Variants in MACF1 observed in about 807,000 individuals in gnomAD.
MACF1 encodes the protein microtubule-actin cross-linking factor 1.
A neutral mutation model predicts 854.8 loss-of-function variants in MACF1; 193 were observed. That is an observed-to-expected ratio of 0.23 (90% CI 0.20 to 0.25). The LOEUF is 0.25. MACF1 is among the 10% of genes least tolerant of loss of function. MACF1 has a pLI of 1.00. For synonymous variants in MACF1, 3,185 were observed against 3,226.7 expected (o/e 0.99, Z 0.44); for missense variants, 7,722 against 8,929.1 (o/e 0.86, Z 5.45).
chr1:39,109,802 G>C (rs766749088), intron 2 of MACF1, among the ~76,000 whole-genome samples: 1 of 152,160 alleles, frequency 6.6e-6, no homozygotes, highest in Non-Finnish European at 1.5e-5. Flanking sequence ...TCACAGAAGG[G>C]AGTTTTAAAA....
At position 39,388,270 on chromosome 1, in the gene MACF1, A is replaced by T. The variant is rs1455828625; in HGVS notation, c.15428A>T (p.Asp5143Val). The T allele has an allele frequency of 6.2e-7, 1 of 1,614,186 alleles. No homozygotes were observed. The highest frequency in any genetic ancestry group is 8.5e-7 in the Non-Finnish European group (1 of 1,180,026). ...TTGGCAGACCTGGATGATGAGCTAGATGGCATGGGTGCTATTGGCAGAGAC... is the reference window on the plus strand; with the variant it reads ...TTGGCAGACCTGGATGATGAGCTAGTTGGCATGGGTGCTATTGGCAGAGAC... ...SQLADLDDEL[D>V]GMGAIGRDTD... is the part of the protein sequence containing the mutation. Residue 5143 changes from aspartate to valine, a missense_variant, in exon 58 of 101, where the codon GAT becomes GTT. This residue lies in a region of MACF1 where 2,807 missense variants were observed against 3,235.8 expected (regional missense o/e 0.87). Coordinates refer to ENST00000564288, the MANE Select transcript of MACF1 (RefSeq NM_001394062.1).
At chr1:39,170,951 A>G (rs564643426) in intron 2 of MACF1, among the ~76,000 whole-genome samples, 25 of 152,290 alleles carry the variant, frequency 1.6e-4, no homozygotes, top group Admixed American at 3.3e-4. Context: ...CCCTCACGCC[A>G]TAGCACACAC....
At chr1:39,465,588 T>A (rs1211198204) in intron 95 of MACF1, among the ~76,000 whole-genome samples, 2 of 152,232 alleles carry the variant, frequency 1.3e-5, no homozygotes, top group African/African-American at 4.8e-5. Context: ...AGTGTGGAGA[T>A]CGTAATTGGC....
intron 40 of MACF1, among the ~76,000 whole-genome samples, chr1:39,342,913 T>G (rs1263957793): frequency 6.6e-6 from 1 of 152,078 alleles, no homozygotes; most frequent in East Asian, 1.9e-4. Context: ...CACTCAAAAT[T>G]AAAGCAGCCA....
At chr1:39,398,978 G>A (rs1465581735) in intron 58 of MACF1, among the ~76,000 whole-genome samples, 1 of 152,194 alleles carries the variant, frequency 6.6e-6, no homozygotes, top group Non-Finnish European at 1.5e-5. Flanking sequence ...AGGACCCTCT[G>A]TTAAGAATGC....
chr1:39,415,553 G>T (rs1481608928), intron 58 of MACF1, among the ~76,000 whole-genome samples: 1 of 148,566 alleles, frequency 6.7e-6, no homozygotes, highest in Non-Finnish European at 1.5e-5. Flanking sequence ...TAGTAGAGAC[G>T]GGTTTCACTG....
At chr1:39,458,899 A>G (rs2124031399) in intron 90 of MACF1, 187 bp from the exon 91 acceptor site, 1 of 572,272 alleles carries the variant, frequency 1.7e-6, no homozygotes, top group South Asian at 2.4e-5. Flanking sequence ...GCAGGTAAGT[A>G]TGTGCTGGGA....
chr1:39,425,461 A>T (rs954928268), intron 61 of MACF1, among the ~76,000 whole-genome samples: 10 of 152,202 alleles, frequency 6.6e-5, no homozygotes, highest in Non-Finnish European at 1.5e-4. Flanking sequence ...CCTTTAGATT[A>T]TGAGGCTGAC....
chr1:39,168,836 A>G (rs1643908923), intron 2 of MACF1, among the ~76,000 whole-genome samples: 1 of 151,798 alleles, frequency 6.6e-6, no homozygotes, highest in Non-Finnish European at 1.5e-5. Context: ...TGTGTGTTGT[A>G]CAGGCTGGTC....
intron 2 of MACF1, among the ~76,000 whole-genome samples, chr1:39,163,906 C>G (rs529712421): frequency 6.6e-6 from 1 of 152,224 alleles, no homozygotes; most frequent in African/African-American, 2.4e-5. Flanking sequence ...GAAAAATAAA[C>G]TAATAAAATC....
rs1195200757 is a variant in MACF1, at chr1:39,347,120, G to A, written c.10725G>A (p.Arg3575=). 3 of 1,614,012 alleles carry A rather than the reference G, an allele frequency of 1.9e-6. No individual in the cohort carries two copies. The highest frequency in any genetic ancestry group is 2.5e-6 in the Non-Finnish European group (3 of 1,179,982). ...TGAGGCTTCTGAATGAACTGCAGAGGTCCTTCCAGGACATTTTGGAACAGA... is the reference window on the plus strand; with the variant it reads ...TGAGGCTTCTGAATGAACTGCAGAGATCCTTCCAGGACATTTTGGAACAGA... ...QMLRLLNELQ[R]SFQDILEQTA... is the part of the protein sequence containing the mutation. The change falls in exon 41 of 101, where the codon AGG becomes AGA. Residue 3575 remains arginine, a synonymous_variant. Transcript: ENST00000564288.
intron 2 of MACF1, among the ~76,000 whole-genome samples, chr1:39,195,740 T>C (rs1448242678): frequency 6.6e-6 from 1 of 152,190 alleles, no homozygotes; most frequent in African/African-American, 2.4e-5. Context: ...GTTTTGGATT[T>C]AATTTGCTGA....
At chr1:39,410,218 G>GTGA in intron 58 of MACF1, 3 of 1,423,242 alleles carry the variant, frequency 2.1e-6, no homozygotes, top group Non-Finnish European at 2.9e-6. Flanking sequence ...GGGGGAACCT[G>GTGA]TGAAAAATAC....
At position 39,422,479 on chromosome 1, in the gene MACF1, G is replaced by C. The variant is rs759822850; in HGVS notation, c.15922G>C (p.Gly5308Arg). 6.2e-7 allele frequency: 1 copy of C among 1,614,024 alleles called. No individual in the cohort carries two copies. Among genetic ancestry groups the C allele is most frequent in the Non-Finnish European group, 8.5e-7 (1 of 1,179,976 alleles). ...QSAGKDCDVQGLEHDMEEINA... is the reference protein window; with the variant it reads ...QSAGKDCDVQRLEHDMEEINA... ...TGCAGGAAAAGACTGTGATGTACAGGGTTTAGAACATGACATGGAAGAGAT... is the reference window on the plus strand; with the variant it reads ...TGCAGGAAAAGACTGTGATGTACAGCGTTTAGAACATGACATGGAAGAGAT... The change falls in exon 59 of 101, where the codon GGT becomes CGT. Residue 5308 changes from glycine (G) to arginine (R), a missense_variant. Gly to Arg is a moderately radical substitution (Grantham distance 125). This residue lies in a region of MACF1 where 2,807 missense variants were observed against 3,235.8 expected (regional missense o/e 0.87). Coordinates refer to ENST00000564288, the MANE Select transcript of MACF1 (RefSeq NM_001394062.1).
intron 58 of MACF1, chr1:39,414,032 C>T: frequency 6.2e-7 from 1 of 1,606,968 alleles, no homozygotes; most frequent in Non-Finnish European, 8.5e-7. Flanking sequence ...GAACCCACCT[C>T]CTCAGCAGCT....
At chr1:39,483,019 G>A (rs1438226527) in intron 99 of MACF1, among the ~76,000 whole-genome samples, 1 of 143,408 alleles carries the variant, frequency 7.0e-6, no homozygotes, top group Non-Finnish European at 1.5e-5. Context: ...CTGGGAGGTC[G>A]AGGCTGCAAT....
intron 2 of MACF1, among the ~76,000 whole-genome samples, chr1:39,242,700 A>C (rs895553161): frequency 6.7e-6 from 1 of 148,942 alleles, no homozygotes; most frequent in Non-Finnish European, 1.5e-5. Flanking sequence ...GCGCCACTGC[A>C]CTCTAGCCTG....
rs895303132 is a variant in MACF1 at position 39,084,581 on chromosome 1, T to TGG, written c.220+144_220+145dup. On this transcript the variant is annotated intron_variant, in intron 2 of 93. Coordinates refer to the MACF1 transcript ENST00000361689. This position sits in a 1 kb window ranked among gnomAD's most constrained non-coding sequence, Gnocchi z 5.2. The stretch of plus-strand genomic sequence containing the variant: ...TCATCTGATTTGTTATTATTATTCT[T>TGG]GGAAAGACGTTGAAATAACATTAAC... 2.6e-5 allele frequency: 19 copies of TGG among 726,688 alleles called. No homozygotes were observed. In the Admixed American group the frequency reaches 4.1e-4, roughly 15 times the overall value. 45.0% of individuals were successfully genotyped at this position (726,688 alleles called of 1,614,324 possible).
At chr1:39,286,202 C>T (rs182071586) in intron 14 of MACF1, among the ~76,000 whole-genome samples, 131 of 151,958 alleles carry the variant, frequency 8.6e-4, no homozygotes, top group African/African-American at 2.9e-3. Flanking sequence ...TTAGTAGAGA[C>T]GGGGTTTTGC....
Sources: allele counts gnomAD v4.1 joint callset (sites outside exome capture counted in the v4.1 genomes callset), GRCh38; gene constraint gnomAD v4.1.1; regional missense constraint gnomAD v4.1.1; non-coding constraint Gnocchi (gnomAD v3.1); transcripts MANE v1.5; gene names NCBI Gene and HGNC (gene_info 2026-07-23, HGNC 2026-07-21).